JARID2: variants seen among roughly 807,000 people sequenced by gnomAD.
The protein encoded by JARID2 is jumonji and AT-rich interaction domain containing 2.
A neutral mutation model predicts 125.6 loss-of-function variants in JARID2; 21 were observed. The observed-to-expected ratio is 0.17, with a 90% CI of 0.12 to 0.24. JARID2 has a LOEUF of 0.24. Among genes scored for constraint, JARID2 ranks in the 10% least tolerant of loss-of-function variants. The pLI is 1.00. For missense variants in JARID2, 1,303 were observed against 1,639.6 expected, an observed-to-expected ratio of 0.79 and a Z score of 3.55; for synonymous variants, 736 against 661.6, an observed-to-expected ratio of 1.11 and a Z score of -1.73.
chr6:15,501,557 G>A, intron 8 of JARID2, 148 bp downstream of exon 8: 1 of 656,622 alleles, frequency 1.5e-6, no homozygotes, highest in Non-Finnish European at 2.5e-6. Flanking sequence ...TGATAGCGCT[G>A]TATTAGTCCT....
chr6:15,487,218 G>C lies in JARID2; in HGVS notation c.671-89G>C, dbSNP rs1561896758. The C allele has an allele frequency of 1.1e-5, 12 of 1,054,762 alleles. 1 individual carries two copies. Among genetic ancestry groups the C allele is most frequent in the Non-Finnish European group, 1.6e-5 (11 of 707,950 alleles). The allele number at this position is 1,054,762 out of a possible 1,614,324, so 65.3% of individuals were successfully genotyped here. A position where few individuals can be genotyped will look rare whatever the true frequency, so the allele number is the denominator to read the frequency against. On this transcript the variant is annotated intron_variant, in intron 5 of 17. Transcript: ENST00000341776. ...GGATTACAGTTGGACATGAGATTTG[G>C]GTGGGGACACAGAGCCAAACCATAT...
At chr6:15,317,992 G>T (rs1762232555) in intron 1 of JARID2, among the ~76,000 whole-genome samples, 1 of 152,276 alleles carries the variant, frequency 6.6e-6, no homozygotes, top group African/African-American at 2.4e-5. Context: ...TGTTTGCCTG[G>T]GTTCACTGAA....
chr6:15,482,605 G>A (rs1354302403), intron 5 of JARID2, among the ~76,000 whole-genome samples: 1 of 152,166 alleles, frequency 6.6e-6, no homozygotes, highest in African/African-American at 2.4e-5. Flanking sequence ...GATTGCTTCT[G>A]TATTCATCTC....
intron 1 of JARID2, among the ~76,000 whole-genome samples, chr6:15,313,713 C>T (rs1762089918): frequency 6.6e-6 from 1 of 152,178 alleles, no homozygotes; most frequent in African/African-American, 2.4e-5. Context: ...TGGAAACACT[C>T]TCTGGCTGAT....
intron 8 of JARID2, among the ~76,000 whole-genome samples, chr6:15,503,511 C>T (rs897027629): frequency 6.6e-6 from 1 of 152,152 alleles, no homozygotes; most frequent in Non-Finnish European, 1.5e-5. Flanking sequence ...CAGTGCTCCG[C>T]AGGGAAGCCT....
At chr6:15,422,141 C>T (rs552277504) in intron 3 of JARID2, among the ~76,000 whole-genome samples, 15 of 152,176 alleles carry the variant, frequency 9.9e-5, no homozygotes, top group African/African-American at 2.7e-4. Flanking sequence ...GAGAGAAGCG[C>T]GTCCAGGAGA....
At chr6:15,411,709 G>C (rs1765885173) in intron 3 of JARID2, among the ~76,000 whole-genome samples, 1 of 152,212 alleles carries the variant, frequency 6.6e-6, no homozygotes, top group South Asian at 2.1e-4. Context: ...TGGAATGTGT[G>C]ATAATATTAT....
At chr6:15,382,063 C>T (rs949339243) in intron 2 of JARID2, among the ~76,000 whole-genome samples, 1 of 152,046 alleles carries the variant, frequency 6.6e-6, no homozygotes, top group Non-Finnish European at 1.5e-5. Context: ...GCGGGCGGAT[C>T]ATGAGCCTGG....
intron 1 of JARID2, among the ~76,000 whole-genome samples, chr6:15,289,817 G>A (rs894071083): frequency 6.6e-6 from 1 of 152,204 alleles, no homozygotes; most frequent in African/African-American, 2.4e-5. Flanking sequence ...CTGCACTCCA[G>A]CCTGGGTGAG....
chr6:15,412,866 A>C lies in JARID2; in HGVS notation c.323+2501A>C, dbSNP rs555180337. 2.6e-5 allele frequency among the ~76,000 whole-genome samples: 4 copies of C among 152,310 alleles called. No individual in the cohort carries two copies. The East Asian group carries it at 7.7e-4, about 29-fold the overall frequency. ...GGGTAATGGAATGTGCTGACTCTGA[A>C]GATGAGAAGTTGAGCCTAAAGTAAC... On this transcript the variant is annotated intron_variant, in intron 3 of 17. Coordinates refer to ENST00000341776, the MANE Select transcript of JARID2 (RefSeq NM_004973.4).
intron 1 of JARID2, among the ~76,000 whole-genome samples, chr6:15,284,671 G>C (rs1356446166): frequency 6.6e-6 from 1 of 152,032 alleles, no homozygotes; most frequent in African/African-American, 2.4e-5. Flanking sequence ...ATTTTTAGTA[G>C]AGACGGGGTT....
chr6:15,320,807 T>C (rs1305570754), intron 1 of JARID2, among the ~76,000 whole-genome samples: 1 of 152,026 alleles, frequency 6.6e-6, no homozygotes, highest in African/African-American at 2.4e-5. Flanking sequence ...CTATATTATT[T>C]TCAGCCATGG....
intron 5 of JARID2, among the ~76,000 whole-genome samples, chr6:15,480,027 C>T (rs1017956605): frequency 9.2e-5 from 14 of 152,232 alleles, no homozygotes; most frequent in African/African-American, 3.1e-4. Flanking sequence ...TTGACGGAGT[C>T]TGTGTCTTGC....
At chr6:15,266,593 ATT>A (rs1760092615) in intron 1 of JARID2, among the ~76,000 whole-genome samples, 1 of 152,158 alleles carries the variant, frequency 6.6e-6, no homozygotes. Context: ...TTTGTAGTAT[ATT>A]TTGAGTTTTA....
chr6:15,261,066 C>T (rs780967853), intron 1 of JARID2, among the ~76,000 whole-genome samples: 1 of 152,080 alleles, frequency 6.6e-6, no homozygotes, highest in Admixed American at 6.5e-5. Context: ...AGTCAGTTTA[C>T]CAAGGAAGGC....
chr6:15,273,485 T>C (rs533028598), intron 1 of JARID2, among the ~76,000 whole-genome samples: 2 of 152,190 alleles, frequency 1.3e-5, no homozygotes, highest in Non-Finnish European at 2.9e-5. Flanking sequence ...GTGGATCACC[T>C]GAGGTCAGGA....
Position 15,373,741 on chromosome 6 carries a change from C to T in JARID2, c.46-376C>T, listed in dbSNP as rs1326442176. On this transcript the variant is annotated intron_variant, in intron 1 of 17. Transcript: ENST00000341776. ...TGTTGCAGTGTACATTCTGGCATTG[C>T]TCACTTTATAAAACTCAAGTAAAAT... Among the ~76,000 whole-genome samples, 3 of 152,204 alleles carry T rather than the reference C, an allele frequency of 2.0e-5. No homozygotes were observed. The South Asian group carries it at 6.2e-4, about 32-fold the overall frequency.
chr6:15,460,146 TG>T (rs1370942445), intron 4 of JARID2, among the ~76,000 whole-genome samples: 1 of 152,212 alleles, frequency 6.6e-6, no homozygotes. Flanking sequence ...TTTCATTTGT[TG>T]GGATAGTTTA....
chr6:15,514,316 G>C (rs978252959), intron 16 of JARID2, among the ~76,000 whole-genome samples: 1 of 152,228 alleles, frequency 6.6e-6, no homozygotes, highest in East Asian at 1.9e-4. Context: ...GAGCATGCCC[G>C]AAGGGCCTGA....
Sources: gnomAD v4.1 joint callset for allele counts (sites outside exome capture counted in the v4.1 genomes callset) on GRCh38, gnomAD v4.1.1 for gene constraint, MANE v1.5 for transcripts, NCBI Gene and HGNC (gene_info 2026-07-23, HGNC 2026-07-21) for gene names.